The following DPP10 variants were observed in gnomAD, a reference collection of about 807,000 sequenced individuals.
DPP10 encodes dipeptidyl peptidase like 10.
A neutral mutation model predicts 120.9 loss-of-function variants in DPP10; 33 were observed. That is an observed-to-expected ratio of 0.27 (90% CI 0.21 to 0.37). The LOEUF (loss-of-function observed/expected upper bound fraction) is 0.37. DPP10 is among the 10% of genes least tolerant of loss of function. The pLI, the probability that DPP10 is intolerant of heterozygous loss-of-function variation, is 1.00. For missense variants in DPP10, 816 were observed against 942.8 expected, an observed-to-expected ratio of 0.87 and a Z score of 1.76; for synonymous variants, 337 against 326.1, an observed-to-expected ratio of 1.03 and a Z score of -0.36.
chr2:115,778,435 A>C (rs1401116004), intron 15 of DPP10, among the ~76,000 whole-genome samples: 4 of 152,138 alleles, frequency 2.6e-5, no homozygotes, highest in African/African-American at 4.8e-5. Context: ...TACTCAAAAA[A>C]AGGCTTAAGC....
intron 9 of DPP10, among the ~76,000 whole-genome samples, chr2:115,741,701 G>A (rs1252368016): frequency 6.6e-6 from 1 of 152,122 alleles, no homozygotes; most frequent in Non-Finnish European, 1.5e-5. Flanking sequence ...CAGTTCTGTG[G>A]AAGGGACAAC....
chr2:114,948,730 T>G (rs1240330733), intron 1 of DPP10, among the ~76,000 whole-genome samples: 2 of 152,164 alleles, frequency 1.3e-5, no homozygotes, highest in Non-Finnish European at 1.5e-5. Flanking sequence ...AGTATATTAG[T>G]CTGTTTTCAC....
At position 114,748,356 on chromosome 2, in the gene DPP10, T is replaced by A. The variant is rs201214272; in HGVS notation, c.60+305518T>A. Among the ~76,000 whole-genome samples the A allele has an allele frequency of 9.0e-3, 1,205 of 133,550 alleles. 52 individuals carry two copies. The highest frequency in any genetic ancestry group is 0.011 in the Non-Finnish European group (675 of 64,150). 87.6% of individuals were successfully genotyped at this position (133,550 alleles called of 152,430 possible). On this transcript the variant is annotated intron_variant, in intron 1 of 25. Transcript: ENST00000410059. ...GAATTTTCTTTTTTTTTTTTATTTT[T>A]TTTTATTTTATTTATTTATTTATTT...
In DPP10 at chr2:115,836,245, T is replaced by G. The variant is rs754617389; in HGVS notation, c.2039T>G (p.Leu680Trp). 6.2e-7 allele frequency: 1 copy of G among 1,605,646 alleles called. No individual in the cohort carries two copies. Among genetic ancestry groups the G allele is most frequent in the Non-Finnish European group, 8.5e-7 (1 of 1,177,320 alleles). ...CGSVVAPITDLKLYASAFSER... is the reference protein window; with the variant it reads ...CGSVVAPITDWKLYASAFSER... ...TCCGTGGTTGCACCTATCACAGACTTGAAATTGTATGGTGAGTACTTTCTA... is the reference window on the plus strand; with the variant it reads ...TCCGTGGTTGCACCTATCACAGACTGGAAATTGTATGGTGAGTACTTTCTA... The change falls in exon 22 of 26, where the codon TTG (leucine) becomes TGG (tryptophan). Residue 680 changes from leucine (L) to tryptophan (W), a missense_variant. By Grantham distance (61) the Leu-to-Trp change is moderately conservative (BLOSUM62 -2). Around this residue, in one of 3 missense-constraint regions of DPP10, gnomAD observed 592 missense variants for 649.0 expected, o/e 0.91. Coordinates refer to ENST00000410059, the MANE Select transcript of DPP10 (RefSeq NM_020868.6).
At chr2:115,582,050 A>T (rs2082029169) in intron 5 of DPP10, among the ~76,000 whole-genome samples, 1 of 152,118 alleles carries the variant, frequency 6.6e-6, no homozygotes, top group Non-Finnish European at 1.5e-5. Context: ...GCAGGAGCAA[A>T]AGGAAGTAAA....
intron 3 of DPP10, among the ~76,000 whole-genome samples, chr2:115,442,805 T>C (rs1375382105): frequency 6.6e-6 from 1 of 152,178 alleles, no homozygotes; most frequent in South Asian, 2.1e-4. Context: ...TATTGAGAAA[T>C]GTAAGGGGCC....
At chr2:115,797,922 A>AAT (rs929827805) in intron 19 of DPP10, among the ~76,000 whole-genome samples, 220 of 148,334 alleles carry the variant, frequency 1.5e-3, no homozygotes, top group Admixed American at 4.0e-3. Flanking sequence ...TTTTAACTGG[A>AAT]ATATATATAT....
intron 3 of DPP10, among the ~76,000 whole-genome samples, chr2:115,395,320 G>C (rs1032757038): frequency 6.6e-6 from 1 of 152,138 alleles, no homozygotes; most frequent in Non-Finnish European, 1.5e-5. Flanking sequence ...AGTCAGACTG[G>C]ATTAATTTCC....
At chr2:115,827,053 G>A (rs1559208613) in intron 21 of DPP10, among the ~76,000 whole-genome samples, 1 of 151,612 alleles carries the variant, frequency 6.6e-6, no homozygotes, top group African/African-American at 2.4e-5. Flanking sequence ...TCTGCTTTTA[G>A]TTTCTTTAAA....
chr2:115,487,140 A>G (rs888892619), intron 3 of DPP10, among the ~76,000 whole-genome samples: 1 of 151,390 alleles, frequency 6.6e-6, no homozygotes, highest in African/African-American at 2.4e-5. Context: ...TGCTTCAAAG[A>G]GAATAAAATA....
At chr2:115,015,632 T>C (rs977776734) in intron 1 of DPP10, among the ~76,000 whole-genome samples, 1 of 152,178 alleles carries the variant, frequency 6.6e-6, no homozygotes, top group African/African-American at 2.4e-5. Flanking sequence ...CTCCTTAGGC[T>C]GATAAGCAAC....
chr2:115,472,335 A>C (rs1156668438), intron 3 of DPP10, among the ~76,000 whole-genome samples: 2 of 152,230 alleles, frequency 1.3e-5, no homozygotes, highest in African/African-American at 4.8e-5. Flanking sequence ...GTCCATTAGA[A>C]GTCGAATATG....
At chr2:114,551,574 A>G (rs563259836) in intron 1 of DPP10, among the ~76,000 whole-genome samples, 1 of 152,240 alleles carries the variant, frequency 6.6e-6, no homozygotes, top group African/African-American at 2.4e-5. Flanking sequence ...CTCAGCCAGC[A>G]CCCTTCTGAG....
At chr2:115,688,625 A>G (rs2091139487) in intron 5 of DPP10, among the ~76,000 whole-genome samples, 1 of 152,184 alleles carries the variant, frequency 6.6e-6, no homozygotes, top group South Asian at 2.1e-4. Context: ...TTTCACAGAA[A>G]TATACTCATC....
intron 1 of DPP10, among the ~76,000 whole-genome samples, chr2:115,151,197 TAAGATA>T (rs2051525751): frequency 1.3e-5 from 2 of 152,128 alleles, no homozygotes; most frequent in Non-Finnish European, 1.5e-5. Flanking sequence ...TTTTTCTCTC[TAAGATA>T]AAGTGTTACT....
chr2:115,311,672 T>C (rs548776651), intron 2 of DPP10, among the ~76,000 whole-genome samples: 1 of 152,290 alleles, frequency 6.6e-6, no homozygotes, highest in Non-Finnish European at 1.5e-5. Context: ...TACAAACATT[T>C]AGAAAATACA....
intron 5 of DPP10, among the ~76,000 whole-genome samples, chr2:115,644,209 A>G (rs1173697890): frequency 1.3e-5 from 2 of 152,122 alleles, no homozygotes; most frequent in African/African-American, 4.8e-5. Context: ...CATGTGCACA[A>G]CGTGCAGGTT....
intron 1 of DPP10, among the ~76,000 whole-genome samples, chr2:114,973,325 T>C (rs998708673): frequency 2.0e-5 from 3 of 151,710 alleles, no homozygotes; most frequent in African/African-American, 7.3e-5. Flanking sequence ...CCATACTAGA[T>C]TTCTTATGGC....
At chr2:115,412,459 ACT>A (rs1336088561) in intron 3 of DPP10, among the ~76,000 whole-genome samples, 1 of 152,110 alleles carries the variant, frequency 6.6e-6, no homozygotes, top group Non-Finnish European at 1.5e-5. Context: ...AAAAAGAAAC[ACT>A]CTGTAAATAC....
Sources: allele counts gnomAD v4.1 joint callset (sites outside exome capture counted in the v4.1 genomes callset), GRCh38; gene constraint gnomAD v4.1.1; regional missense constraint gnomAD v4.1.1; transcripts MANE v1.5; gene names NCBI Gene and HGNC (gene_info 2026-07-23, HGNC 2026-07-21).